The following SGCD variants were observed in gnomAD, a reference collection of about 807,000 sequenced individuals.
SGCD encodes sarcoglycan delta, also known as delta-sarcoglycan.
Under a neutral mutation model 36.6 loss-of-function variants are expected in SGCD, and 18 were observed. The ratio of observed to expected loss-of-function variants is 0.49; its 90% CI spans 0.34 to 0.73. The LOEUF is 0.73. Among genes scored for constraint, SGCD ranks in the 30% least tolerant of loss-of-function variants. The pLI is 0.01. For missense variants in SGCD, 387 were observed against 346.7 expected, an observed-to-expected ratio of 1.12 and a Z score of -0.92; for synonymous variants, 133 against 130.6, an observed-to-expected ratio of 1.02 and a Z score of -0.12.
At chr5:156,244,453 G>A (rs1023950923) in intron 3 of SGCD, among the ~76,000 whole-genome samples, 2 of 152,098 alleles carry the variant, frequency 1.3e-5, no homozygotes, top group Non-Finnish European at 2.9e-5. Context: ...CTGTATAACA[G>A]GATGTCCTTA....
chr5:156,509,432 A>C (rs1756841251), intron 4 of SGCD, among the ~76,000 whole-genome samples: 1 of 152,220 alleles, frequency 6.6e-6, no homozygotes. Flanking sequence ...CTCAAAAAAA[A>C]AATTAATTCA....
At chr5:156,312,744 A>T (rs539730021) in intron 3 of SGCD, among the ~76,000 whole-genome samples, 1 of 152,224 alleles carries the variant, frequency 6.6e-6, no homozygotes, top group South Asian at 2.1e-4. Flanking sequence ...TAGAATTTTT[A>T]TAAAGATTAA....
chr5:156,504,753 G>A (rs1014356234), intron 3 of SGCD, among the ~76,000 whole-genome samples: 3 of 152,124 alleles, frequency 2.0e-5, no homozygotes, highest in Non-Finnish European at 2.9e-5. Flanking sequence ...GAGGTAAATC[G>A]TGAAAAGCAC....
the SGCD span, among the ~76,000 whole-genome samples, chr5:155,812,318 T>C: frequency 1.3e-5 from 2 of 152,198 alleles, no homozygotes; most frequent in African/African-American, 4.8e-5. Context: ...ATCTTGGTGA[T>C]GTGAAACCTC....
intron 2 of SGCD, among the ~76,000 whole-genome samples, chr5:156,339,133 A>G (rs1355921718): frequency 1.3e-5 from 2 of 151,996 alleles, no homozygotes; most frequent in Non-Finnish European, 2.9e-5. Context: ...TAATTAATTA[A>G]TGATTACAGG....
intron 3 of SGCD, among the ~76,000 whole-genome samples, chr5:156,498,212 G>A (rs940742521): frequency 1.5e-5 from 2 of 136,442 alleles, no homozygotes; most frequent in African/African-American, 5.6e-5. Context: ...GTCATAGCAT[G>A]TCTCTTGAAT....
At chr5:156,434,003 G>A (rs1753138865) in intron 3 of SGCD, among the ~76,000 whole-genome samples, 1 of 152,150 alleles carries the variant, frequency 6.6e-6, no homozygotes, top group African/African-American at 2.4e-5. Context: ...CCTCCAATGG[G>A]TAACATGACT....
chr5:156,436,030 C>T (rs968755745), intron 3 of SGCD, among the ~76,000 whole-genome samples: 1 of 152,104 alleles, frequency 6.6e-6, no homozygotes, highest in Non-Finnish European at 1.5e-5. Context: ...ACCTGTGTGC[C>T]CCTAGCACCC....
chr5:156,284,518 A>G lies in SGCD; in HGVS notation c.-43-45016A>G, dbSNP rs183287624. Among the ~76,000 whole-genome samples the G allele has an allele frequency of 6.8e-4, 103 of 152,308 alleles. 2 individuals are homozygous for G. In the East Asian group the frequency reaches 0.017, roughly 25 times the overall value. On this transcript the variant is annotated intron_variant, in intron 3 of 9. Coordinates refer to the SGCD transcript ENST00000517913. Reference sequence around the variant, plus strand: ...CCCTGGGGTGCAAGGCTGGTTCAACATACGCAAATCAATAAATATAATCCA... The same window carrying G: ...CCCTGGGGTGCAAGGCTGGTTCAACGTACGCAAATCAATAAATATAATCCA...
intron 1 of SGCD, among the ~76,000 whole-genome samples, chr5:156,042,918 T>C (rs1759673309): frequency 6.6e-6 from 1 of 152,162 alleles, no homozygotes; most frequent in African/African-American, 2.4e-5. Flanking sequence ...GTCCTTTCAT[T>C]AGCTCAGCCT....
chr5:155,734,617 A>G, the SGCD span, among the ~76,000 whole-genome samples: 24 of 152,196 alleles, frequency 1.6e-4, no homozygotes, highest in Admixed American at 1.6e-3. Flanking sequence ...ATACTTTAAG[A>G]CACTGTTGTA....
intron 1 of SGCD, among the ~76,000 whole-genome samples, chr5:155,932,067 C>T (rs1354855835): frequency 6.6e-6 from 1 of 152,056 alleles, no homozygotes; most frequent in Non-Finnish European, 1.5e-5. Context: ...TCCCAAAGAC[C>T]CCACTTCCTA....
intron 3 of SGCD, among the ~76,000 whole-genome samples, chr5:156,249,614 A>G (rs1418079206): frequency 7.9e-5 from 12 of 152,116 alleles, no homozygotes; most frequent in Admixed American, 7.2e-4. Flanking sequence ...GCCTCTGCCT[A>G]CCGTCACATG....
At chr5:155,733,310 G>T in the SGCD span, among the ~76,000 whole-genome samples, 1 of 152,132 alleles carries the variant, frequency 6.6e-6, no homozygotes, top group Admixed American at 6.6e-5. Context: ...CACACACTCT[G>T]TCTCTTTCTG....
intron 4 of SGCD, among the ~76,000 whole-genome samples, chr5:156,537,478 C>CACACACAA (rs1458935954): frequency 1.3e-5 from 2 of 149,910 alleles, no homozygotes; most frequent in Non-Finnish European, 3.0e-5. Context: ...CACACACACA[C>CACACACAA]ACACACACAC....
At chr5:156,160,391 A>G (rs1763060899) in intron 3 of SGCD, among the ~76,000 whole-genome samples, 1 of 151,610 alleles carries the variant, frequency 6.6e-6, no homozygotes. Flanking sequence ...TATTCCTGCA[A>G]TTCATTTATT....
At chr5:155,945,341 A>G (rs975404217) in intron 1 of SGCD, among the ~76,000 whole-genome samples, 1 of 152,206 alleles carries the variant, frequency 6.6e-6, no homozygotes, top group African/African-American at 2.4e-5. Flanking sequence ...CATTCATTCA[A>G]AAATATTTAT....
the SGCD span, among the ~76,000 whole-genome samples, chr5:155,865,081 G>A: frequency 6.6e-5 from 7 of 105,410 alleles, no homozygotes; most frequent in Admixed American, 2.2e-4. Flanking sequence ...GTTATACATA[G>A]CCATAGATAG....
chr5:156,443,041 G>T (rs1166406869), intron 3 of SGCD, among the ~76,000 whole-genome samples: 1 of 152,160 alleles, frequency 6.6e-6, no homozygotes, highest in Admixed American at 6.5e-5. Flanking sequence ...CTGGAGTGCA[G>T]TGGGTCAATC....
Sources: gnomAD v4.1 joint callset for allele counts (sites outside exome capture counted in the v4.1 genomes callset) on GRCh38, gnomAD v4.1.1 for gene constraint, MANE v1.5 for transcripts, NCBI Gene and HGNC (gene_info 2026-07-23, HGNC 2026-07-21) for gene names.